Variants in NRG3 observed in about 807,000 individuals in gnomAD.
NRG3 encodes pro-neuregulin-3, membrane-bound isoform.
NRG3 carries 31 observed loss-of-function variants against 66.9 expected under a neutral mutation model. The ratio of observed to expected loss-of-function variants is 0.46; its 90% CI spans 0.35 to 0.63. NRG3 has a LOEUF of 0.63. Ranked by LOEUF, NRG3 falls within the 20% of genes least tolerant of loss-of-function variation. The pLI, the probability that NRG3 is intolerant of heterozygous loss-of-function variation, is 0.00. For missense variants in NRG3, 910 were observed against 878.9 expected (o/e 1.04, Z -0.45); for synonymous variants, 393 against 359.4 (o/e 1.09, Z -1.06).
chr10:82,876,590 G>A (rs1013924426), intron 4 of NRG3, among the ~76,000 whole-genome samples: 1 of 152,202 alleles, frequency 6.6e-6, no homozygotes, highest in Non-Finnish European at 1.5e-5. Flanking sequence ...TGATCTTTTA[G>A]TCAGTATCAA....
At chr10:82,675,065 T>C (rs1411798987) in intron 2 of NRG3, among the ~76,000 whole-genome samples, 2 of 151,958 alleles carry the variant, frequency 1.3e-5, no homozygotes, top group Non-Finnish European at 2.9e-5. Flanking sequence ...TTCAAGCGAT[T>C]CTTCCTCCCC....
intron 3 of NRG3, among the ~76,000 whole-genome samples, chr10:82,784,784 G>A (rs1392777965): frequency 1.3e-5 from 2 of 152,002 alleles, no homozygotes; most frequent in African/African-American, 2.4e-5. Context: ...AACCATTGTG[G>A]AAGTCAGTGT....
At chr10:82,116,714 A>G (rs1030507527) in intron 1 of NRG3, among the ~76,000 whole-genome samples, 2 of 152,182 alleles carry the variant, frequency 1.3e-5, no homozygotes, top group African/African-American at 2.4e-5. Flanking sequence ...CTAATGGTCC[A>G]TGGCAGGACG....
intron 1 of NRG3, among the ~76,000 whole-genome samples, chr10:82,343,882 G>A (rs1434493908): frequency 6.6e-6 from 1 of 152,030 alleles, no homozygotes; most frequent in South Asian, 2.1e-4. Context: ...CCAGGACGCT[G>A]CTTCTCTCTT....
chr10:82,721,793 C>T (rs1162024020), intron 2 of NRG3, among the ~76,000 whole-genome samples: 1 of 152,106 alleles, frequency 6.6e-6, no homozygotes, highest in South Asian at 2.1e-4. Context: ...CCTACGTTGC[C>T]TTCTGTAGCT....
At chr10:82,599,731 C>A (rs897569920) in intron 2 of NRG3, among the ~76,000 whole-genome samples, 3 of 152,052 alleles carry the variant, frequency 2.0e-5, no homozygotes, top group Non-Finnish European at 4.4e-5. Flanking sequence ...GCATGAGAAT[C>A]ACTTGAACCC....
intron 1 of NRG3, among the ~76,000 whole-genome samples, chr10:82,240,898 C>T (rs935921243): frequency 1.3e-5 from 2 of 151,988 alleles, no homozygotes; most frequent in Non-Finnish European, 2.9e-5. Context: ...CAAGTAGAAG[C>T]CTCTAAGATT....
chr10:82,411,904 T>C (rs1286945259), intron 2 of NRG3, among the ~76,000 whole-genome samples: 1 of 151,952 alleles, frequency 6.6e-6, no homozygotes, highest in African/African-American at 2.4e-5. Flanking sequence ...AAGTTAAACA[T>C]GTGGCTGAGA....
chr10:82,884,899 T>G (rs550039580), intron 4 of NRG3, among the ~76,000 whole-genome samples: 110 of 152,312 alleles, frequency 7.2e-4, no homozygotes, highest in Non-Finnish European at 9.7e-4. Context: ...ATACAAAAAA[T>G]ATTGATTCTG....
chr10:82,603,582 C>T (rs1385508968), intron 2 of NRG3, among the ~76,000 whole-genome samples: 1 of 152,018 alleles, frequency 6.6e-6, no homozygotes, highest in Non-Finnish European at 1.5e-5. Context: ...TTATGACCAC[C>T]CACAGTTTCA....
At chr10:82,054,418 T>C (rs901324258) in intron 1 of NRG3, among the ~76,000 whole-genome samples, 7 of 152,100 alleles carry the variant, frequency 4.6e-5, no homozygotes, top group African/African-American at 1.7e-4. Flanking sequence ...ACTTTGTGCA[T>C]AAAAGACTAA....
intron 1 of NRG3, among the ~76,000 whole-genome samples, chr10:82,004,974 G>C (rs1564730410): frequency 6.6e-6 from 1 of 152,248 alleles, no homozygotes; most frequent in Non-Finnish European, 1.5e-5. Context: ...TAGCAAATGA[G>C]TACATACTGT....
chr10:82,054,991 G>A (rs918422515), intron 1 of NRG3, among the ~76,000 whole-genome samples: 5 of 151,744 alleles, frequency 3.3e-5, no homozygotes, highest in African/African-American at 9.7e-5. Flanking sequence ...TAGCCTGGGT[G>A]ACAGCACAAG....
chr10:81,945,847 C>G (rs1439286633), intron 1 of NRG3, among the ~76,000 whole-genome samples: 2 of 152,052 alleles, frequency 1.3e-5, no homozygotes, highest in Non-Finnish European at 2.9e-5. Context: ...CAGACGTGCA[C>G]TCAGGGAGAA....
intron 1 of NRG3, among the ~76,000 whole-genome samples, chr10:82,273,903 C>A (rs2078719373): frequency 6.6e-6 from 1 of 151,932 alleles, no homozygotes; most frequent in Non-Finnish European, 1.5e-5. Context: ...TGACTGTGAG[C>A]CAGACGAATC....
At chr10:81,899,215 C>T (rs1180727924) in intron 1 of NRG3, among the ~76,000 whole-genome samples, 1 of 152,122 alleles carries the variant, frequency 6.6e-6, no homozygotes, top group East Asian at 1.9e-4. Context: ...ATGAGATAAC[C>T]AGTGGGGAAC....
At chr10:81,998,252 T>G (rs527483511) in intron 1 of NRG3, among the ~76,000 whole-genome samples, 12 of 152,248 alleles carry the variant, frequency 7.9e-5, no homozygotes, top group Admixed American at 2.0e-4. Flanking sequence ...TTTAAGCTAA[T>G]CTAGAGAGTT....
At chr10:81,966,306 TG>T (rs1344919260) in intron 1 of NRG3, among the ~76,000 whole-genome samples, 1 of 150,370 alleles carries the variant, frequency 6.7e-6, no homozygotes, top group Non-Finnish European at 1.5e-5. Context: ...ATGTAATATG[TG>T]TATATATATA....
In NRG3 at chr10:82,621,782, C is replaced by T. The variant is rs2049055033; in HGVS notation, c.954-116795C>T. Among the ~76,000 whole-genome samples, 4 of 152,138 alleles carry T rather than the reference C, an allele frequency of 2.6e-5. No individual in the cohort carries two copies. The South Asian group carries it at 8.3e-4, about 32-fold the overall frequency. The stretch of plus-strand genomic sequence containing the variant: ...CTAACTGGTACAGTAAGGTAGCCAA[C>T]TCTGGCAACCGAGTTCTACATTTTC... On this transcript the variant is annotated intron_variant, in intron 2 of 8. Transcript: ENST00000372141.
Sources: allele counts gnomAD v4.1 joint callset (sites outside exome capture counted in the v4.1 genomes callset), GRCh38; gene constraint gnomAD v4.1.1; transcripts MANE v1.5; gene names NCBI Gene and HGNC (gene_info 2026-07-23, HGNC 2026-07-21).